TSPAN15: variants seen among roughly 807,000 people sequenced by gnomAD.
The protein encoded by TSPAN15 is tetraspanin 15.
Under a neutral mutation model 34.5 loss-of-function variants are expected in TSPAN15, and 20 were observed. The observed-to-expected ratio is 0.58, with a 90% confidence interval of 0.41 to 0.84. TSPAN15 has a LOEUF of 0.84. Among genes scored for constraint, TSPAN15 ranks in the 40% least tolerant of loss-of-function variants. The probability of loss-of-function intolerance (pLI) is 0.00; values close to 1 mark genes in which losing one functional copy is unlikely to be tolerated. For synonymous variants in TSPAN15, 155 were observed against 153.9 expected (o/e 1.01, Z -0.05); for missense variants, 313 against 386.1 (o/e 0.81, Z 1.59).
At chr10:69,453,570 C>A (rs1841021319) in intron 1 of TSPAN15, among the ~76,000 whole-genome samples, 1 of 152,190 alleles carries the variant, frequency 6.6e-6, no homozygotes, top group Non-Finnish European at 1.5e-5. Flanking sequence ...TACCTCCTCA[C>A]GTTTCCATTT....
chr10:69,454,294 G>C (rs1841036361), intron 1 of TSPAN15, among the ~76,000 whole-genome samples: 1 of 152,152 alleles, frequency 6.6e-6, no homozygotes, highest in Admixed American at 6.5e-5. Flanking sequence ...GAGGCGGGAG[G>C]ATCACCCGAG....
the TSPAN15 span, among the ~76,000 whole-genome samples, chr10:69,521,287 A>T: frequency 4.0e-5 from 6 of 150,612 alleles, no homozygotes; most frequent in African/African-American, 1.5e-4. Context: ...AGGCAGGCAG[A>T]TCATGTGAGG....
chr10:69,530,482 C>T, the TSPAN15 span, among the ~76,000 whole-genome samples: 2 of 147,520 alleles, frequency 1.4e-5, 1 homozygote, highest in East Asian at 5.0e-4. Context: ...CGTAAAATGG[C>T]CTAAAAAATT....
At chr10:69,467,639 C>A (rs773510159) in intron 1 of TSPAN15, among the ~76,000 whole-genome samples, 1 of 58,862 alleles carries the variant, frequency 1.7e-5, no homozygotes, top group Non-Finnish European at 6.1e-5. Flanking sequence ...AACAAAACAA[C>A]ACACACACAC....
At chr10:69,466,036 T>C (rs1299992474) in intron 1 of TSPAN15, among the ~76,000 whole-genome samples, 2 of 152,182 alleles carry the variant, frequency 1.3e-5, no homozygotes, top group African/African-American at 4.8e-5. Context: ...TGTGTGGGGA[T>C]AGAGGGAGCA....
the TSPAN15 span, among the ~76,000 whole-genome samples, chr10:69,539,467 AAGG>A: frequency 3.7e-5 from 2 of 54,566 alleles, no homozygotes; most frequent in Non-Finnish European, 6.8e-5. Context: ...GAAGAAGGAG[AAGG>A]AGAAGGAGAA....
chr10:69,508,502 C>T (rs1019100423), downstream of TSPAN15, among the ~76,000 whole-genome samples: 1 of 144,346 alleles, frequency 6.9e-6, no homozygotes, highest in African/African-American at 2.6e-5. Flanking sequence ...GAGCCCCAAA[C>T]CTGAAGGATT....
intron 3 of TSPAN15, chr10:69,494,596 G>A: frequency 2.1e-6 from 2 of 973,258 alleles, no homozygotes; most frequent in Non-Finnish European, 2.4e-6. Context: ...TTACCTTAAA[G>A]ATAGGCCTAC....
rs1327578323 is a variant in TSPAN15, at chr10:69,506,294, G to A, written c.735+54G>A. 2.3e-5 allele frequency: 35 copies of A among 1,551,602 alleles called. No individual in the cohort carries two copies. Among genetic ancestry groups the A allele is most frequent in the Middle Eastern group, 1.7e-4 (1 of 5,920 alleles). ...GTGACTTGGTGATTGCAGAAGGGCA[G>A]AGAAGGTGCAGAGGGGAAGAGCGAA... is the stretch of plus-strand genomic sequence containing the variant. On this transcript the variant is annotated intron_variant, in intron 7 of 7. Transcript: ENST00000373290. The surrounding 1 kb of genome is among the most constrained non-coding windows in gnomAD (Gnocchi z 4.7).
At position 69,498,334 on chromosome 10, in the gene TSPAN15, G is replaced by A. The variant is rs780839062; in HGVS notation, c.508G>A (p.Asp170Asn). ...YRDWSKNQYH[D>N]CSAPGPLACG... ...AGATTGGAGCAAGAATCAGTACCAC[G>A]ACTGCAGTGCCCCTGGACCCCTGGC... The change falls in exon 5 of 8, where the codon GAC (aspartate) becomes AAC (asparagine). Residue 170 changes from aspartate (D) to asparagine (N), a missense_variant. Asp to Asn is a conservative substitution (Grantham distance 23, BLOSUM62 1). Transcript: ENST00000373290. 38 of 1,613,752 alleles carry A rather than the reference G, an allele frequency of 2.4e-5. No individual in the cohort carries two copies. Among genetic ancestry groups the A allele is most frequent in the Admixed American group, 3.3e-5 (2 of 59,984 alleles).
chr10:69,546,197 C>A, the TSPAN15 span, among the ~76,000 whole-genome samples: 3 of 152,268 alleles, frequency 2.0e-5, no homozygotes, highest in Admixed American at 6.5e-5. Flanking sequence ...CCATGTGCGT[C>A]TTCCTAGGGG....
chr10:69,541,596 C>T, the TSPAN15 span, among the ~76,000 whole-genome samples: 2 of 152,248 alleles, frequency 1.3e-5, no homozygotes, highest in Non-Finnish European at 2.9e-5. Flanking sequence ...TCCTCAGTGT[C>T]CTAGCAGAGG....
At chr10:69,540,459 T>A in the TSPAN15 span, among the ~76,000 whole-genome samples, 2 of 152,142 alleles carry the variant, frequency 1.3e-5, no homozygotes, top group Non-Finnish European at 2.9e-5. Flanking sequence ...GGCCACTGCT[T>A]GTAGGCAAGG....
At chr10:69,493,201 C>T (rs1485211254) in intron 3 of TSPAN15, among the ~76,000 whole-genome samples, 2 of 152,192 alleles carry the variant, frequency 1.3e-5, no homozygotes, top group East Asian at 3.9e-4. Flanking sequence ...GGGAGGTGGG[C>T]CTGGGGCCAA....
chr10:69,463,500 C>T (rs976895205), intron 1 of TSPAN15, among the ~76,000 whole-genome samples: 4 of 152,080 alleles, frequency 2.6e-5, no homozygotes, highest in East Asian at 1.9e-4. Flanking sequence ...TGGGTTGAGT[C>T]GTGGCCTCAT....
In TSPAN15 at chr10:69,488,790, C is replaced by A. The variant is rs906689868; in HGVS notation, c.357+3575C>A. Among the ~76,000 whole-genome samples the A allele has an allele frequency of 3.9e-5, 6 of 152,162 alleles. No homozygotes were observed. In the South Asian group the frequency reaches 1.2e-3, roughly 31 times the overall value. On this transcript the variant is annotated intron_variant, in intron 3 of 7. Coordinates refer to ENST00000373290, the MANE Select transcript of TSPAN15 (RefSeq NM_012339.5). ...CAAAAAGGAAAACAAAGATCACATG[C>A]TTCTAAGGGAAAAATCAGAAACTCC...
chr10:69,519,428 AT>A, the TSPAN15 span, among the ~76,000 whole-genome samples: 5 of 152,242 alleles, frequency 3.3e-5, no homozygotes, highest in Non-Finnish European at 7.3e-5. Flanking sequence ...CTCAAAAAAA[AT>A]AATATATTGC....
At chr10:69,543,851 GT>G in the TSPAN15 span, among the ~76,000 whole-genome samples, 1 of 46,106 alleles carries the variant, frequency 2.2e-5, no homozygotes, top group African/African-American at 8.5e-5. Flanking sequence ...GGGAGTGTGT[GT>G]GTGTGTGTGT....
At chr10:69,482,972 TTTTTTG>T (rs1465388554) in intron 1 of TSPAN15, among the ~76,000 whole-genome samples, 2 of 110,714 alleles carry the variant, frequency 1.8e-5, no homozygotes, top group Admixed American at 8.7e-5. Flanking sequence ...TTGATTTTTT[TTTTTTG>T]TTGTTGTTGT....
Sources: gnomAD v4.1 joint callset for allele counts (sites outside exome capture counted in the v4.1 genomes callset) on GRCh38, gnomAD v4.1.1 for gene constraint, Gnocchi (gnomAD v3.1) non-coding constraint, MANE v1.5 for transcripts, NCBI Gene and HGNC (gene_info 2026-07-23, HGNC 2026-07-21) for gene names.